Variants in SASH1 observed in about 807,000 individuals in gnomAD.
SASH1 encodes SAM and SH3 domain-containing protein 1.
In SASH1, 44 loss-of-function variants were observed where a neutral mutation model predicts 125.2. The ratio of observed to expected loss-of-function variants is 0.35; its 90% CI spans 0.28 to 0.45. The LOEUF is 0.45. Among genes scored for constraint, SASH1 ranks in the 20% least tolerant of loss-of-function variants. The probability of loss-of-function intolerance (pLI) is 1.00; values close to 1 mark genes in which losing one functional copy is unlikely to be tolerated. For synonymous variants in SASH1, 639 were observed against 649.1 expected, an observed-to-expected ratio of 0.98 and a Z score of 0.24; for missense variants, 1,426 against 1,614.5, an observed-to-expected ratio of 0.88 and a Z score of 2.00.
intron 8 of SASH1, among the ~76,000 whole-genome samples, chr6:148,506,261 G>C (rs574943450): frequency 4.6e-5 from 7 of 151,774 alleles, no homozygotes; most frequent in South Asian, 2.1e-4. Flanking sequence ...ATCATCTGAG[G>C]TTAGGAGTTT....
chr6:148,391,475 T>TA (rs1420864877), intron 2 of SASH1, among the ~76,000 whole-genome samples: 1 of 150,022 alleles, frequency 6.7e-6, no homozygotes, highest in Non-Finnish European at 1.5e-5. Context: ...TCTATATATT[T>TA]AAAAAAAACT....
chr6:148,546,420 G>C (rs1292253896), intron 19 of SASH1, among the ~76,000 whole-genome samples: 2 of 152,170 alleles, frequency 1.3e-5, no homozygotes, highest in Non-Finnish European at 2.9e-5. Context: ...TGTAATCCTA[G>C]TTACTTGGGA....
the SASH1 span, among the ~76,000 whole-genome samples, chr6:148,202,250 C>T: frequency 6.6e-6 from 1 of 152,154 alleles, no homozygotes; most frequent in East Asian, 1.9e-4. Flanking sequence ...CCACTAAAAA[C>T]TACTCTACAA....
chr6:148,265,115 G>A, the SASH1 span, among the ~76,000 whole-genome samples: 400 of 152,190 alleles, frequency 2.6e-3, 3 homozygotes, highest in African/African-American at 9.5e-3. Flanking sequence ...TTGCAAAGAG[G>A]AACTAGAATT....
chr6:148,277,275 C>A (rs539869767), intron 1 of SASH1, among the ~76,000 whole-genome samples: 1 of 152,342 alleles, frequency 6.6e-6, no homozygotes, highest in Admixed American at 6.5e-5. Flanking sequence ...ACAGTAAAGT[C>A]CAGCCTGTTG....
At position 148,550,536 on chromosome 6, in the gene SASH1, ATCT is replaced by A. The variant is rs968709743; in HGVS notation, c.*1982_*1984del. On this transcript the variant is annotated 3_prime_UTR_variant, in exon 20 of 20. Coordinates refer to ENST00000367467, the MANE Select transcript of SASH1 (RefSeq NM_015278.5). ...CATGTTTCTTTAATAATTAATTTTC[ATCT>A]TCTATAAGATGCCATGTGAAGAAGT... is the stretch of plus-strand genomic sequence containing the variant. 3 of 152,210 alleles carry A rather than the reference ATCT, an allele frequency of 2.0e-5. No individual in the cohort carries two copies. The highest frequency in any genetic ancestry group is 1.3e-4 in the Admixed American group (2 of 15,284). The allele number at this position is 152,210 out of a possible 1,614,324, so 9.4% of individuals were successfully genotyped here.
chr6:148,288,762 A>T (rs1262212491), intron 1 of SASH1, among the ~76,000 whole-genome samples: 2 of 152,146 alleles, frequency 1.3e-5, no homozygotes, highest in African/African-American at 4.8e-5. Flanking sequence ...CCTGGTAGTA[A>T]TTAGATTGAC....
intron 9 of SASH1, among the ~76,000 whole-genome samples, chr6:148,518,422 A>G (rs552871584): frequency 3.3e-4 from 51 of 152,264 alleles, no homozygotes; most frequent in African/African-American, 1.2e-3. Context: ...AATCCCATCA[A>G]TTGGGAAAGT....
At chr6:148,470,692 G>C (rs749243392) in intron 5 of SASH1, among the ~76,000 whole-genome samples, 1 of 152,160 alleles carries the variant, frequency 6.6e-6, no homozygotes, top group African/African-American at 2.4e-5. Context: ...GGAAAGGATC[G>C]GGGGTGCGGT....
chr6:148,231,577 T>A, the SASH1 span, among the ~76,000 whole-genome samples: 1 of 152,210 alleles, frequency 6.6e-6, no homozygotes, highest in Non-Finnish European at 1.5e-5. Context: ...ATGTTTAATC[T>A]GCAAGATGAA....
intron 1 of SASH1, among the ~76,000 whole-genome samples, chr6:148,322,379 A>G (rs967768629): frequency 2.0e-5 from 3 of 152,186 alleles, no homozygotes; most frequent in Non-Finnish European, 2.9e-5. Flanking sequence ...AAAATAAAAT[A>G]AAAAGAAACC....
At chr6:148,339,597 T>C (rs1254175113), upstream of SASH1, among the ~76,000 whole-genome samples, 1 of 151,924 alleles carries the variant, frequency 6.6e-6, no homozygotes, top group Non-Finnish European at 1.5e-5. Context: ...CGCTCTGTCG[T>C]CCAGGCTGAG....
At position 148,550,776 on chromosome 6, in the gene SASH1, A is replaced by G. The variant is rs772941408; in HGVS notation, c.*2218A>G. On this transcript the variant is annotated 3_prime_UTR_variant, in exon 20 of 20. Coordinates refer to ENST00000367467, the MANE Select transcript of SASH1 (RefSeq NM_015278.5). ...CAGGCTTCTTCTCTTCCTGCTCTCA[A>G]AATACCTCGGCTTGACATTTGGACA... 6.6e-6 allele frequency: 1 copy of G among 152,236 alleles called. No individual in the cohort carries two copies. The highest frequency in any genetic ancestry group is 6.5e-5 in the Admixed American group (1 of 15,284). The allele number at this position is 152,236 out of a possible 1,614,324, so 9.4% of individuals were successfully genotyped here.
chr6:148,257,628 CTTTTT>C, the SASH1 span, among the ~76,000 whole-genome samples: 13 of 127,134 alleles, frequency 1.0e-4, no homozygotes, highest in African/African-American at 1.2e-4. Context: ...TGTCAGTTTA[CTTTTT>C]TTTTTTTTTT....
upstream of SASH1, among the ~76,000 whole-genome samples, chr6:148,340,859 T>C (rs1025831275): frequency 2.0e-5 from 3 of 152,066 alleles, no homozygotes; most frequent in African/African-American, 7.2e-5. Flanking sequence ...TCAGAGACTG[T>C]GCGCAGTGGC....
Position 148,551,356 on chromosome 6 carries a change from C to G in SASH1, c.*2798C>G, listed in dbSNP as rs1782867868. On this transcript the variant is annotated 3_prime_UTR_variant, in exon 20 of 20. Coordinates refer to ENST00000367467, the MANE Select transcript of SASH1 (RefSeq NM_015278.5). The stretch of plus-strand genomic sequence containing the variant: ...TGTCTTTGGAAAGCACAAAAGAAAC[C>G]TGGAAAGGCAGTTCGGCTCAGGTAG... 1 of 152,534 alleles carries G rather than the reference C, an allele frequency of 6.6e-6. No homozygotes were observed. The highest frequency in any genetic ancestry group is 2.4e-5 in the African/African-American group (1 of 41,416). 9.4% of individuals were successfully genotyped at this position (152,534 alleles called of 1,614,324 possible).
At chr6:148,364,435 A>C (rs1272670482) in intron 1 of SASH1, among the ~76,000 whole-genome samples, 3 of 152,168 alleles carry the variant, frequency 2.0e-5, no homozygotes, top group African/African-American at 7.2e-5. Flanking sequence ...AATTAAAAGA[A>C]TGACAGTGGA....
chr6:148,396,412 G>A (rs1783951597), intron 2 of SASH1, among the ~76,000 whole-genome samples: 1 of 144,918 alleles, frequency 6.9e-6, no homozygotes, highest in African/African-American at 2.6e-5. Context: ...CAGGAGGCGA[G>A]GTTGCAGTGA....
intron 1 of SASH1, among the ~76,000 whole-genome samples, chr6:148,354,173 G>A (rs1284978210): frequency 6.6e-6 from 1 of 151,934 alleles, no homozygotes; most frequent in Non-Finnish European, 1.5e-5. Context: ...TCAAAACAAA[G>A]CAAAACAGAA....
Sources: gnomAD v4.1 joint callset for allele counts (sites outside exome capture counted in the v4.1 genomes callset) on GRCh38, gnomAD v4.1.1 for gene constraint, MANE v1.5 for transcripts, NCBI Gene and HGNC (gene_info 2026-07-23, HGNC 2026-07-21) for gene names.